Variants in VAT1L observed in about 807,000 individuals in gnomAD.
VAT1L encodes the protein putative NADPH-dependent quinone oxidoreductase VAT1L.
Under a neutral mutation model 44.1 loss-of-function variants are expected in VAT1L, and 34 were observed. That is an observed-to-expected ratio of 0.77 (90% CI 0.59 to 1.03). VAT1L has a LOEUF of 1.03. Ranked by LOEUF, VAT1L falls within the 50% of genes least tolerant of loss-of-function variation. The pLI is 0.00. For synonymous variants in VAT1L, 253 were observed against 202.2 expected, an observed-to-expected ratio of 1.25 and a Z score of -2.13; for missense variants, 615 against 538.8, an observed-to-expected ratio of 1.14 and a Z score of -1.40.
At chr16:77,975,064 G>A (rs1399110473) in intron 8 of VAT1L, among the ~76,000 whole-genome samples, 2 of 152,064 alleles carry the variant, frequency 1.3e-5, no homozygotes, top group African/African-American at 4.8e-5. Context: ...TCATTTTAGG[G>A]TTAGCACCTG....
chr16:77,867,917 G>A (rs2016992009), intron 4 of VAT1L, among the ~76,000 whole-genome samples: 1 of 150,988 alleles, frequency 6.6e-6, no homozygotes, highest in South Asian at 2.1e-4. Flanking sequence ...AACATTGGGT[G>A]GGAAATGGGT....
intron 3 of VAT1L, among the ~76,000 whole-genome samples, chr16:77,828,946 G>A (rs2016551258): frequency 6.6e-6 from 1 of 152,126 alleles, no homozygotes; most frequent in Non-Finnish European, 1.5e-5. Flanking sequence ...GAGCCACTAA[G>A]TTTGTGTTAA....
intron 1 of VAT1L, among the ~76,000 whole-genome samples, chr16:77,812,484 G>C (rs1355224445): frequency 1.3e-5 from 2 of 152,124 alleles, no homozygotes. Flanking sequence ...TTCAAGTCTC[G>C]GCTCTGTCAC....
chr16:77,922,959 C>T (rs10514432), intron 7 of VAT1L, among the ~76,000 whole-genome samples: 5 of 151,970 alleles, frequency 3.3e-5, no homozygotes, highest in African/African-American at 1.2e-4. Context: ...GTTCAATCTT[C>T]GTTGACGTCT....
intron 4 of VAT1L, among the ~76,000 whole-genome samples, chr16:77,873,914 G>A (rs983179952): frequency 6.6e-6 from 1 of 152,134 alleles, no homozygotes; most frequent in Non-Finnish European, 1.5e-5. Flanking sequence ...GTGGGTGGGA[G>A]GTGAAGATGG....
chr16:77,901,013 T>A (rs2017376306), intron 7 of VAT1L, among the ~76,000 whole-genome samples: 1 of 152,080 alleles, frequency 6.6e-6, no homozygotes, highest in South Asian at 2.1e-4. Context: ...AAGTTCACGG[T>A]TGGCAAGCAT....
At chr16:77,906,884 A>G (rs370153606) in intron 7 of VAT1L, among the ~76,000 whole-genome samples, 21 of 149,740 alleles carry the variant, frequency 1.4e-4, no homozygotes, top group African/African-American at 5.2e-4. Flanking sequence ...CCCTGGCAAC[A>G]GCAGCTAGGG....
intron 7 of VAT1L, among the ~76,000 whole-genome samples, chr16:77,946,779 C>T (rs1395075538): frequency 6.6e-6 from 1 of 152,176 alleles, no homozygotes; most frequent in African/African-American, 2.4e-5. Context: ...CTTAGATTCA[C>T]CCTTCCTTGT....
intron 7 of VAT1L, among the ~76,000 whole-genome samples, chr16:77,948,671 T>G (rs2018002057): frequency 6.6e-6 from 1 of 152,232 alleles, no homozygotes; most frequent in African/African-American, 2.4e-5. Context: ...CCTTTCTCAC[T>G]ATTTTTCTGG....
chr16:77,966,034 TC>T (rs575275427), intron 7 of VAT1L, among the ~76,000 whole-genome samples: 5 of 151,152 alleles, frequency 3.3e-5, no homozygotes, highest in South Asian at 2.1e-4. Context: ...TTCCAAACAG[TC>T]CCCCCCAAAA....
chr16:77,848,350 C>G (rs192186106), intron 3 of VAT1L, among the ~76,000 whole-genome samples: 13 of 152,152 alleles, frequency 8.5e-5, no homozygotes, highest in Non-Finnish European at 1.8e-4. Context: ...GAGTGGATGA[C>G]TCAAGGACAT....
At chr16:77,832,789 T>C (rs1175881436) in intron 3 of VAT1L, among the ~76,000 whole-genome samples, 1 of 152,200 alleles carries the variant, frequency 6.6e-6, no homozygotes, top group African/African-American at 2.4e-5. Flanking sequence ...ATTATGAGGC[T>C]TTTCCACACC....
intron 7 of VAT1L, among the ~76,000 whole-genome samples, chr16:77,915,997 C>G (rs1049787837): frequency 6.6e-6 from 1 of 152,184 alleles, no homozygotes; most frequent in African/African-American, 2.4e-5. Context: ...AGCTGGCATA[C>G]TTAAGCATCA....
At chr16:77,832,571 G>A (rs2016591810) in intron 3 of VAT1L, among the ~76,000 whole-genome samples, 1 of 152,174 alleles carries the variant, frequency 6.6e-6, no homozygotes, top group Non-Finnish European at 1.5e-5. Context: ...CACTAAGCAG[G>A]CTGAGAGAAG....
chr16:77,962,770 A>AGGAAGGAAGGAAGGAAGGAG (rs1244822971), intron 7 of VAT1L, among the ~76,000 whole-genome samples: 1 of 151,722 alleles, frequency 6.6e-6, no homozygotes, highest in Non-Finnish European at 1.5e-5. Flanking sequence ...GAAGGAAGGA[A>AGGAAGGAAGGAAGGAAGGAG]GGAAGGAAAG....
At chr16:77,930,693 A>C (rs939959590) in intron 7 of VAT1L, among the ~76,000 whole-genome samples, 11 of 152,276 alleles carry the variant, frequency 7.2e-5, no homozygotes, top group African/African-American at 1.9e-4. Flanking sequence ...CCCACTGTTA[A>C]GAAAACCTTC....
In VAT1L at chr16:77,924,738, C is replaced by T. The variant is rs149847804; in HGVS notation, c.1077+39936C>T. Among the ~76,000 whole-genome samples, 94 of 152,256 alleles carry T rather than the reference C, an allele frequency of 6.2e-4. No individual in the cohort carries two copies. The East Asian group carries it at 0.012, about 20-fold the overall frequency. ...CCTCCCAAAGTGCTGGGATTACAGG[C>T]GTGAGCCACCACGCCTGGCCCATTT... On this transcript the variant is annotated intron_variant, in intron 7 of 8. Coordinates refer to ENST00000302536, the MANE Select transcript of VAT1L (RefSeq NM_020927.3).
chr16:77,831,257 A>G (rs570908781), intron 3 of VAT1L, among the ~76,000 whole-genome samples: 1 of 152,230 alleles, frequency 6.6e-6, no homozygotes, highest in African/African-American at 2.4e-5. Flanking sequence ...TAAGGGAGAA[A>G]CACAGGGCTT....
chr16:77,823,619 C>T (rs1328876815), intron 2 of VAT1L, among the ~76,000 whole-genome samples: 1 of 152,120 alleles, frequency 6.6e-6, no homozygotes, highest in Non-Finnish European at 1.5e-5. Flanking sequence ...AGAATAATAT[C>T]CTATTAAGCT....
Sources: allele counts gnomAD v4.1 joint callset (sites outside exome capture counted in the v4.1 genomes callset), GRCh38; gene constraint gnomAD v4.1.1; transcripts MANE v1.5; gene names NCBI Gene and HGNC (gene_info 2026-07-23, HGNC 2026-07-21).